Variants in PCNX2 observed in about 807,000 individuals in gnomAD.
PCNX2 encodes the protein pecanex 2.
A neutral mutation model predicts 223.8 loss-of-function variants in PCNX2; 168 were observed. That is an observed-to-expected ratio of 0.75 (90% confidence interval 0.66 to 0.85). The LOEUF is 0.85. Ranked by LOEUF, PCNX2 falls within the 40% of genes least tolerant of loss-of-function variation. The pLI is 0.00. For synonymous variants in PCNX2, 1,006 were observed against 1,052.6 expected, an observed-to-expected ratio of 0.96 and a Z score of 0.86; for missense variants, 2,507 against 2,675.5, an observed-to-expected ratio of 0.94 and a Z score of 1.39.
intron 26 of PCNX2, 55 bp downstream of exon 26, chr1:233,025,091 C>T (rs1671033345): frequency 1.7e-5 from 27 of 1,593,448 alleles, no homozygotes; most frequent in Non-Finnish European, 2.2e-5. Context: ...TCTTTCGGAG[C>T]TTCCTGTGCC....
intron 23 of PCNX2, among the ~76,000 whole-genome samples, chr1:233,068,667 T>C (rs1318647615): frequency 6.6e-6 from 1 of 152,100 alleles, no homozygotes; most frequent in Non-Finnish European, 1.5e-5. Flanking sequence ...CAATTATTTA[T>C]ATATAATGCT....
chr1:233,027,832 C>T (rs11579920), intron 25 of PCNX2, among the ~76,000 whole-genome samples: 8,136 of 152,298 alleles, frequency 0.053, 324 homozygotes, highest in Non-Finnish European at 0.083. Flanking sequence ...CGCTGGCTTA[C>T]ATCTCGATTT....
At chr1:233,312,591 G>A in the PCNX2 span, among the ~76,000 whole-genome samples, 1,609 of 152,108 alleles carry the variant, frequency 0.011, 28 homozygotes, top group African/African-American at 0.036. Context: ...CACTAAACAA[G>A]ACGAAAAACC....
chr1:233,163,352 T>C (rs1222625217), intron 17 of PCNX2, among the ~76,000 whole-genome samples: 1 of 151,786 alleles, frequency 6.6e-6, no homozygotes, highest in Admixed American at 6.6e-5. Flanking sequence ...CCGGTTGTGG[T>C]GGCTCACACC....
At chr1:232,987,203 C>T (rs1223859590) in intron 32 of PCNX2, among the ~76,000 whole-genome samples, 4 of 152,240 alleles carry the variant, frequency 2.6e-5, no homozygotes, top group Non-Finnish European at 5.9e-5. Context: ...GGCCCTGCCA[C>T]CCCAGCCTTT....
At chr1:233,080,069 A>C (rs906494593) in intron 23 of PCNX2, among the ~76,000 whole-genome samples, 1 of 152,108 alleles carries the variant, frequency 6.6e-6, no homozygotes, top group African/African-American at 2.4e-5. Context: ...ATGAAATAGG[A>C]GGCAGGCACT....
intron 20 of PCNX2, among the ~76,000 whole-genome samples, chr1:233,136,827 T>G (rs1362681329): frequency 3.9e-5 from 6 of 152,226 alleles, no homozygotes; most frequent in Non-Finnish European, 5.9e-5. Flanking sequence ...ATAAGGTATC[T>G]GAAGACTTAG....
chr1:233,176,752 G>A (rs961136505), intron 17 of PCNX2, among the ~76,000 whole-genome samples: 7 of 152,240 alleles, frequency 4.6e-5, no homozygotes, highest in African/African-American at 1.2e-4. Flanking sequence ...GGTGGCTCAC[G>A]CCTGTAATCC....
At chr1:233,190,296 G>C (rs549949367) in intron 15 of PCNX2, among the ~76,000 whole-genome samples, 148 of 152,244 alleles carry the variant, frequency 9.7e-4, no homozygotes, top group Middle Eastern at 3.4e-3. Flanking sequence ...TAGAATCACG[G>C]CTCTGGGTAA....
chr1:233,252,406 AGAT>A lies in PCNX2; in HGVS notation c.2073_2075del (p.Ser692del). 6.2e-7 allele frequency: 1 copy of A among 1,613,832 alleles called. No homozygotes were observed. On this transcript the variant is annotated inframe_deletion, in exon 7 of 34. Transcript: ENST00000258229. ...CATCCACAGATATCTCTTCTTGTACAGATGTTTCAGGCCCACTGATGACTTGCA... is the reference window on the plus strand; with the variant it reads ...CATCCACAGATATCTCTTCTTGTACAGTTTCAGGCCCACTGATGACTTGCA...
chr1:233,317,101 G>A, the PCNX2 span, among the ~76,000 whole-genome samples: 501 of 152,278 alleles, frequency 3.3e-3, 3 homozygotes, highest in African/African-American at 0.011. Flanking sequence ...CATTGTTCAT[G>A]ATGAGTAAGT....
intron 23 of PCNX2, among the ~76,000 whole-genome samples, chr1:233,080,436 G>A (rs1378323147): frequency 1.3e-5 from 2 of 150,358 alleles, no homozygotes; most frequent in Non-Finnish European, 3.0e-5. Flanking sequence ...ACACATGCAC[G>A]CATCTTGTCT....
At chr1:233,156,091 C>T (rs533739220) in intron 19 of PCNX2, among the ~76,000 whole-genome samples, 1 of 152,236 alleles carries the variant, frequency 6.6e-6, no homozygotes, top group Non-Finnish European at 1.5e-5. Flanking sequence ...GAATTTTACT[C>T]TCCTAATTCA....
chr1:233,307,504 C>T, the PCNX2 span, among the ~76,000 whole-genome samples: 2 of 152,190 alleles, frequency 1.3e-5, no homozygotes, highest in Non-Finnish European at 2.9e-5. Flanking sequence ...GCCCCTTGTA[C>T]AGCCAGCAGA....
rs1252126900 is a variant in PCNX2, at chr1:233,000,126, G to A, written c.5328+179C>T. 6.6e-6 allele frequency among the ~76,000 whole-genome samples: 1 copy of A among 152,160 alleles called. No individual in the cohort carries two copies. The highest frequency in any genetic ancestry group is 1.5e-5 in the Non-Finnish European group (1 of 68,032). On this transcript the variant is annotated intron_variant, in intron 30 of 33. Transcript: ENST00000258229. The surrounding 1 kb of genome is among the most constrained non-coding windows in gnomAD (Gnocchi z 4.6). ...TCCTGCCAGGGGAACACAGCACCCA[G>A]CCTGGCACCATGCCCTGCCCCACTT...
At chr1:233,078,603 T>A (rs1385501707) in intron 23 of PCNX2, among the ~76,000 whole-genome samples, 1 of 152,126 alleles carries the variant, frequency 6.6e-6, no homozygotes, top group Non-Finnish European at 1.5e-5. Context: ...TCTACCTGAA[T>A]CACTCACAAA....
rs974670778 is a variant in PCNX2 at position 233,262,125 on chromosome 1, T to C, written c.400A>G (p.Ser134Gly). Residue 134 changes from serine (S) to glycine (G), a missense_variant, in exon 3 of 34, where the codon AGT (serine) becomes GGT (glycine). Ser to Gly is a moderately conservative substitution (Grantham distance 56, BLOSUM62 0). Around this residue, in one of 3 missense-constraint regions of PCNX2, gnomAD observed 1,031 missense variants for 1,021.7 expected, o/e 1.01. Transcript: ENST00000258229. The stretch of plus-strand genomic sequence containing the variant: ...AGGGGAGGCGTGGAGAGGTTTCGAC[T>C]GGCCTCTTCCTTTTTGCCATTGTGA... ...QIHNGKKEEA[S>G]RNLSTPPLRC... is the part of the protein sequence containing the mutation. The C allele has an allele frequency of 1.2e-6, 2 of 1,613,858 alleles. No individual in the cohort carries two copies. The highest frequency in any genetic ancestry group is 1.7e-6 in the Non-Finnish European group (2 of 1,179,784).
chr1:233,150,050 T>A (rs573490006), intron 19 of PCNX2, among the ~76,000 whole-genome samples: 1 of 152,208 alleles, frequency 6.6e-6, no homozygotes, highest in South Asian at 2.1e-4. Context: ...CTTTCTTCCG[T>A]GGGATGAATG....
intron 30 of PCNX2, among the ~76,000 whole-genome samples, chr1:232,999,856 CTG>C (rs1280780037): frequency 7.2e-5 from 11 of 152,198 alleles, no homozygotes; most frequent in Admixed American, 5.9e-4. Flanking sequence ...CATGGGGAAA[CTG>C]AGAGAGAATG....
Sources: gnomAD v4.1 joint callset for allele counts (sites outside exome capture counted in the v4.1 genomes callset) on GRCh38, gnomAD v4.1.1 for gene constraint, gnomAD v4.1.1 regional missense constraint, Gnocchi (gnomAD v3.1) non-coding constraint, MANE v1.5 for transcripts, NCBI Gene and HGNC (gene_info 2026-07-23, HGNC 2026-07-21) for gene names.